Variants in TMEM38A observed in about 807,000 individuals in gnomAD.
The protein encoded by TMEM38A is trimeric intracellular cation channel type A.
TMEM38A carries 17 observed loss-of-function variants against 28.6 expected under a neutral mutation model. The observed-to-expected ratio is 0.60, with a 90% confidence interval of 0.41 to 0.89. TMEM38A has a LOEUF of 0.89. Among genes scored for constraint, TMEM38A ranks in the 40% least tolerant of loss-of-function variants. TMEM38A has a pLI of 0.00. For synonymous variants in TMEM38A, 169 were observed against 166.1 expected (o/e 1.02, Z -0.14); for missense variants, 328 against 393.1 (o/e 0.83, Z 1.40).
At chr19:16,673,648 G>C (rs1309208791) in intron 1 of TMEM38A, among the ~76,000 whole-genome samples, 1 of 152,188 alleles carries the variant, frequency 6.6e-6, no homozygotes, top group Non-Finnish European at 1.5e-5. Flanking sequence ...ACCTGGATTT[G>C]TAGGAGAAAC....
At chr19:16,679,252 CGTGTGTGTGTGTGTGTGTGTGTGT>C (rs35543309) in intron 1 of TMEM38A, among the ~76,000 whole-genome samples, 6 of 128,390 alleles carry the variant, frequency 4.7e-5, no homozygotes, top group African/African-American at 1.1e-4. Context: ...TCTTTTGTTT[CGTGTGTGTGTGTGTGTGTGTGTGT>C]GTGTGTGTGT....
chr19:16,671,723 C>T (rs905258248), intron 1 of TMEM38A, among the ~76,000 whole-genome samples: 1 of 152,332 alleles, frequency 6.6e-6, no homozygotes, highest in South Asian at 2.1e-4. Context: ...AGCCACCGCG[C>T]CCAGCCGGCA....
intron 4 of TMEM38A, 82 bp downstream of exon 4, chr19:16,682,590 TAGAG>T: frequency 6.4e-6 from 8 of 1,246,568 alleles, no homozygotes; most frequent in Non-Finnish European, 9.4e-6. Context: ...GCTGATAACT[TAGAG>T]AGGCCTCAAC....
chr19:16,683,026 T>A (rs968965612), intron 4 of TMEM38A, among the ~76,000 whole-genome samples: 6 of 152,104 alleles, frequency 3.9e-5, no homozygotes, highest in African/African-American at 1.4e-4. Context: ...CAGGCTTGAG[T>A]ATGCTGGCAT....
Position 16,686,282 on chromosome 19 carries a change from C to T in TMEM38A, c.555-6C>T. The T allele has an allele frequency of 6.2e-7, 1 of 1,610,630 alleles. No individual in the cohort carries two copies. The highest frequency in any genetic ancestry group is 8.5e-7 in the Non-Finnish European group (1 of 1,178,792). ...ACCTCCCGGTAATGACAGCTGCTCCCTCCAGCCCCACCAAGGCCAGCCTGT... is the reference window on the plus strand; with the variant it reads ...ACCTCCCGGTAATGACAGCTGCTCCTTCCAGCCCCACCAAGGCCAGCCTGT... On this transcript the variant is annotated splice_region_variant and splice_polypyrimidine_tract_variant and intron_variant, in intron 4 of 5. Transcript: ENST00000187762.
intron 1 of TMEM38A, among the ~76,000 whole-genome samples, chr19:16,663,668 A>G (rs2086691861): frequency 6.6e-6 from 1 of 150,788 alleles, no homozygotes; most frequent in Non-Finnish European, 1.5e-5. Context: ...AGCTGGGACT[A>G]CAGGCGCCCA....
intron 1 of TMEM38A, among the ~76,000 whole-genome samples, chr19:16,670,118 T>C (rs1482321039): frequency 6.9e-6 from 1 of 145,552 alleles, no homozygotes; most frequent in Non-Finnish European, 1.5e-5. Context: ...TACAGGTGCC[T>C]GTCACCACGC....
Position 16,688,390 on chromosome 19 carries a change from C to G in TMEM38A, c.*19C>G. 1 of 1,536,620 alleles carries G rather than the reference C, an allele frequency of 6.5e-7. No individual in the cohort carries two copies. Among genetic ancestry groups the G allele is most frequent in the South Asian group, 1.2e-5 (1 of 81,502 alleles). ...GGATTAGGGGGTGGCCCAAGGGGCA[C>G]CGGGGAGAGGACCCGGACCCAGGAC... On this transcript the variant is annotated 3_prime_UTR_variant, in exon 6 of 6. Coordinates refer to ENST00000187762, the MANE Select transcript of TMEM38A (RefSeq NM_024074.4).
At chr19:16,686,239 G>T in intron 4 of TMEM38A, 49 bp from the exon 5 acceptor site, 4 of 1,442,336 alleles carry the variant, frequency 2.8e-6, no homozygotes, top group South Asian at 1.2e-5. Context: ...GAGTTATGAA[G>T]ACTTGAGCCA....
Position 16,680,469 on chromosome 19 carries a change from C to T in TMEM38A, c.354C>T (p.Phe118=), listed in dbSNP as rs146375222. 1.7e-4 allele frequency: 271 copies of T among 1,614,164 alleles called. 3 individuals carry two copies. The highest frequency in any genetic ancestry group is 1.6e-3 in the Admixed American group (98 of 60,008). The change falls in exon 3 of 6, where the codon TTC becomes TTT. Residue 118 remains phenylalanine (F), a synonymous_variant. Coordinates refer to ENST00000187762, the MANE Select transcript of TMEM38A (RefSeq NM_024074.4). The part of the protein sequence containing the change: ...CVCFLPVKLI[F]VAMKEVVRVR... The stretch of plus-strand genomic sequence containing the variant: ...GCTTCCTGCCTGTGAAACTCATCTT[C>T]GTGGCCATGAAGGAGGTGGTGCGAG...
At chr19:16,672,445 C>CTTTTTTTTT (rs1491240988) in intron 1 of TMEM38A, among the ~76,000 whole-genome samples, 32 of 100,438 alleles carry the variant, frequency 3.2e-4, no homozygotes, top group African/African-American at 7.6e-4. Flanking sequence ...AAAAAAACCT[C>CTTTTTTTTT]ATTTTTTTTT....
At position 16,688,235 on chromosome 19, in the gene TMEM38A, G is replaced by A; in HGVS notation, c.764G>A (p.Gly255Asp). 1 of 1,595,312 alleles carries A rather than the reference G, an allele frequency of 6.3e-7. No homozygotes were observed. Among genetic ancestry groups the A allele is most frequent in the South Asian group, 1.1e-5 (1 of 88,660 alleles). ...GTGCTGTTTGGTTCGGCCTGCGGGG[G>A]TGACCATCACCACGACAACCATGGT... ...CPVLFGSACG[G>D]DHHHDNHGGS... The change falls in exon 6 of 6, where the codon GGT (glycine) becomes GAT (aspartate). Residue 255 changes from glycine (G) to aspartate (D), a missense_variant. By Grantham distance (94) the Gly-to-Asp change is moderately conservative (BLOSUM62 -1). Coordinates refer to ENST00000187762, the MANE Select transcript of TMEM38A (RefSeq NM_024074.4).
chr19:16,669,300 TG>T (rs535306722), intron 1 of TMEM38A, among the ~76,000 whole-genome samples: 4 of 149,838 alleles, frequency 2.7e-5, no homozygotes, highest in African/African-American at 9.8e-5. Flanking sequence ...TCCGGCTCAC[TG>T]GTTCAAGCAA....
At chr19:16,679,949 C>A in intron 1 of TMEM38A, 35 bp from the exon 2 acceptor site, 2 of 1,562,302 alleles carry the variant, frequency 1.3e-6, no homozygotes, top group East Asian at 2.3e-5. Flanking sequence ...CCTTGGCATG[C>A]TGGTGATGAT....
At chr19:16,670,659 C>T (rs2086723353) in intron 1 of TMEM38A, among the ~76,000 whole-genome samples, 1 of 151,624 alleles carries the variant, frequency 6.6e-6, no homozygotes, top group African/African-American at 2.4e-5. Flanking sequence ...CCATGTCCAG[C>T]CGGGTGCGGG....
At chr19:16,668,966 T>A (rs938119247) in intron 1 of TMEM38A, among the ~76,000 whole-genome samples, 16 of 151,838 alleles carry the variant, frequency 1.1e-4, no homozygotes, top group African/African-American at 3.9e-4. Context: ...GCAGCTAGGA[T>A]TACAAGCATG....
chr19:16,675,735 G>A (rs1373977817), intron 1 of TMEM38A, among the ~76,000 whole-genome samples: 5 of 151,432 alleles, frequency 3.3e-5, no homozygotes, highest in African/African-American at 1.2e-4. Context: ...TTCTAGTAGA[G>A]ACAGGGTTTC....
In TMEM38A at chr19:16,688,399, G is replaced by A. The variant is rs764824450; in HGVS notation, c.*28G>A. 10 of 1,506,358 alleles carry A rather than the reference G, an allele frequency of 6.6e-6. No individual in the cohort carries two copies. Among genetic ancestry groups the A allele is most frequent in the Non-Finnish European group, 8.9e-6 (10 of 1,129,938 alleles). 93.3% of individuals were successfully genotyped at this position (1,506,358 alleles called of 1,614,324 possible). A position where few individuals can be genotyped will look rare whatever the true frequency, so the allele number is the denominator to read the frequency against. On this transcript the variant is annotated 3_prime_UTR_variant, in exon 6 of 6. Coordinates refer to ENST00000187762, the MANE Select transcript of TMEM38A (RefSeq NM_024074.4). The stretch of plus-strand genomic sequence containing the variant: ...GGTGGCCCAAGGGGCACCGGGGAGA[G>A]GACCCGGACCCAGGACCCTCTGAGC...
At chr19:16,674,584 G>T (rs1401622626) in intron 1 of TMEM38A, among the ~76,000 whole-genome samples, 1 of 151,912 alleles carries the variant, frequency 6.6e-6, no homozygotes, top group African/African-American at 2.4e-5. Flanking sequence ...CAGATCACCT[G>T]AGGTCGGGAG....
Sources: allele counts gnomAD v4.1 joint callset (sites outside exome capture counted in the v4.1 genomes callset), GRCh38; gene constraint gnomAD v4.1.1; transcripts MANE v1.5; gene names NCBI Gene and HGNC (gene_info 2026-07-23, HGNC 2026-07-21).